The following CDH12 variants were observed in gnomAD, a reference collection of about 807,000 sequenced individuals.
CDH12 encodes the protein cadherin-12.
CDH12 carries 41 observed loss-of-function variants against 74.1 expected under a neutral mutation model. The ratio of observed to expected loss-of-function variants is 0.55; its 90% CI spans 0.43 to 0.72. The LOEUF is 0.72. Ranked by LOEUF, CDH12 falls within the 30% of genes least tolerant of loss-of-function variation. The pLI is 0.00. For synonymous variants in CDH12, 399 were observed against 355.0 expected (o/e 1.12, Z -1.39); for missense variants, 945 against 977.2 (o/e 0.97, Z 0.44).
In CDH12 at chr5:22,588,526, A is replaced by C. The variant is rs183140272; in HGVS notation, c.-522-83162T>G. ...GTACTGGTTTGGGATTAATTTGCAT[A>C]GGTTAATGGTTGAAGTTGCAACATG... is the stretch of plus-strand genomic sequence containing the variant. On this transcript the variant is annotated intron_variant, in intron 1 of 14. Transcript: ENST00000382254. 3.1e-4 allele frequency among the ~76,000 whole-genome samples: 47 copies of C among 152,298 alleles called. 1 individual carries two copies. The East Asian group carries it at 8.7e-3, about 28-fold the overall frequency.
At chr5:22,189,583 C>G (rs1750148395) in intron 4 of CDH12, among the ~76,000 whole-genome samples, 1 of 151,852 alleles carries the variant, frequency 6.6e-6, no homozygotes, top group Admixed American at 6.6e-5. Context: ...AATTCTATTT[C>G]TTTTATTAGG....
intron 3 of CDH12, among the ~76,000 whole-genome samples, chr5:22,381,951 G>A (rs997071835): frequency 6.7e-6 from 1 of 149,764 alleles, no homozygotes; most frequent in South Asian, 2.1e-4. Context: ...AGAGAGAGAA[G>A]TTCCTTATAA....
At chr5:22,483,869 T>G (rs1746486897) in intron 2 of CDH12, among the ~76,000 whole-genome samples, 1 of 146,860 alleles carries the variant, frequency 6.8e-6, no homozygotes, top group Non-Finnish European at 1.5e-5. Context: ...TGTAGTGAGC[T>G]AATATTCAGG....
intron 3 of CDH12, among the ~76,000 whole-genome samples, chr5:22,299,239 G>A (rs1328299645): frequency 6.6e-6 from 1 of 152,138 alleles, no homozygotes; most frequent in Non-Finnish European, 1.5e-5. Context: ...AAGTTGGTAA[G>A]GGAGAGATGG....
At chr5:22,307,334 C>T (rs1738157948) in intron 3 of CDH12, among the ~76,000 whole-genome samples, 1 of 152,166 alleles carries the variant, frequency 6.6e-6, no homozygotes, top group African/African-American at 2.4e-5. Context: ...TTTGCAAGGA[C>T]ACAGTACATG....
At chr5:22,579,739 A>G (rs904264802) in intron 1 of CDH12, among the ~76,000 whole-genome samples, 1 of 152,228 alleles carries the variant, frequency 6.6e-6, no homozygotes, top group African/African-American at 2.4e-5. Context: ...AAAATCATTT[A>G]GAGTAAAATC....
At chr5:22,153,582 G>GCT (rs973074355) in intron 4 of CDH12, among the ~76,000 whole-genome samples, 2 of 150,946 alleles carry the variant, frequency 1.3e-5, no homozygotes, top group African/African-American at 4.9e-5. Flanking sequence ...AATTCCTTAA[G>GCT]CTCTGTAAGC....
intron 3 of CDH12, among the ~76,000 whole-genome samples, chr5:22,276,144 A>G (rs1736626391): frequency 6.6e-6 from 1 of 152,170 alleles, no homozygotes; most frequent in African/African-American, 2.4e-5. Context: ...ACCAAGCTTT[A>G]AGTGTTCTGA....
intron 1 of CDH12, among the ~76,000 whole-genome samples, chr5:22,513,015 C>T (rs191275525): frequency 1.3e-5 from 2 of 152,152 alleles, no homozygotes; most frequent in African/African-American, 4.8e-5. Flanking sequence ...CCAGACTGGA[C>T]AACAGGGCGA....
intron 1 of CDH12, among the ~76,000 whole-genome samples, chr5:22,810,905 A>ATG (rs113641421): frequency 0.06 from 8,886 of 146,884 alleles, 337 homozygotes; most frequent in African/African-American, 0.12. Flanking sequence ...AAACAAATAT[A>ATG]TGTGTGTGTG....
chr5:21,958,948 G>T (rs1419095060), intron 6 of CDH12, among the ~76,000 whole-genome samples: 2 of 152,068 alleles, frequency 1.3e-5, no homozygotes, highest in South Asian at 2.1e-4. Flanking sequence ...CATTTTGTTT[G>T]TATCCTCTCT....
intron 3 of CDH12, among the ~76,000 whole-genome samples, chr5:22,308,465 T>C (rs1385567628): frequency 6.6e-6 from 1 of 152,178 alleles, no homozygotes; most frequent in African/African-American, 2.4e-5. Context: ...AGTTGTATTA[T>C]TTTTATTAAA....
intron 4 of CDH12, among the ~76,000 whole-genome samples, chr5:22,095,269 T>G (rs1743685517): frequency 6.6e-6 from 1 of 152,132 alleles, no homozygotes; most frequent in South Asian, 2.1e-4. Flanking sequence ...ACTTTCTCCT[T>G]TCAATCTTGG....
chr5:22,668,903 C>T (rs1373535859), intron 1 of CDH12, among the ~76,000 whole-genome samples: 2 of 152,014 alleles, frequency 1.3e-5, no homozygotes, highest in African/African-American at 4.8e-5. Context: ...CTTTATCTCT[C>T]TTGGTCTCTC....
chr5:22,747,051 T>C (rs1397671108), intron 1 of CDH12, among the ~76,000 whole-genome samples: 2 of 152,184 alleles, frequency 1.3e-5, no homozygotes, highest in Non-Finnish European at 1.5e-5. Context: ...TACTTTCATT[T>C]TGATGTCCTA....
intron 3 of CDH12, among the ~76,000 whole-genome samples, chr5:22,281,733 C>G (rs1336926590): frequency 6.6e-6 from 1 of 152,168 alleles, no homozygotes; most frequent in South Asian, 2.1e-4. Context: ...AGGACACAAA[C>G]AACTAGAATA....
intron 1 of CDH12, among the ~76,000 whole-genome samples, chr5:22,539,835 G>T (rs192042951): frequency 1.3e-5 from 2 of 152,276 alleles, no homozygotes; most frequent in African/African-American, 2.4e-5. Flanking sequence ...TATAAAAATC[G>T]TATCTCTGAA....
At chr5:22,050,209 C>T (rs1215433286) in intron 5 of CDH12, among the ~76,000 whole-genome samples, 1 of 152,044 alleles carries the variant, frequency 6.6e-6, no homozygotes, top group Non-Finnish European at 1.5e-5. Context: ...AAGTTGATTG[C>T]CTGCTACATA....
chr5:21,789,157 A>C (rs1746355729), intron 10 of CDH12, among the ~76,000 whole-genome samples: 1 of 152,314 alleles, frequency 6.6e-6, no homozygotes, highest in South Asian at 2.1e-4. Flanking sequence ...TATGTGTGAT[A>C]ATTGTATGTA....
Sources: allele counts gnomAD v4.1 joint callset (sites outside exome capture counted in the v4.1 genomes callset), GRCh38; gene constraint gnomAD v4.1.1; transcripts MANE v1.5; gene names NCBI Gene and HGNC (gene_info 2026-07-23, HGNC 2026-07-21).